Variants in RBFOX1 observed in about 807,000 individuals in gnomAD.
RBFOX1 encodes RNA binding protein fox-1 homolog 1.
Under a neutral mutation model 57.7 loss-of-function variants are expected in RBFOX1, and 8 were observed. The ratio of observed to expected loss-of-function variants is 0.14; its 90% confidence interval spans 0.08 to 0.25. The LOEUF is 0.25. Ranked by LOEUF, RBFOX1 falls within the 10% of genes least tolerant of loss-of-function variation. The pLI is 1.00. For missense variants in RBFOX1, 611 were observed against 548.5 expected (o/e 1.11, Z -1.14); for synonymous variants, 326 against 222.4 (o/e 1.47, Z -4.15).
intron 3 of RBFOX1, among the ~76,000 whole-genome samples, chr16:6,872,599 C>G (rs2061131393): frequency 6.6e-6 from 1 of 152,104 alleles, no homozygotes; most frequent in African/African-American, 2.4e-5. Flanking sequence ...CAACAAAACA[C>G]CCAATTAATG....
intron 3 of RBFOX1, among the ~76,000 whole-genome samples, chr16:6,796,109 C>T (rs1028519242): frequency 6.6e-6 from 1 of 150,386 alleles, no homozygotes; most frequent in African/African-American, 2.5e-5. Context: ...GCTGGGGAGG[C>T]CTCACAGTCA....
Position 6,235,387 on chromosome 16 carries a change from T to A in RBFOX1, c.-126-81608T>A, listed in dbSNP as rs114385093. 1.7e-3 allele frequency among the ~76,000 whole-genome samples: 254 copies of A among 152,270 alleles called. 1 individual carries two copies. Among genetic ancestry groups the A allele is most frequent in the African/African-American group, 4.7e-3 (196 of 41,568 alleles). On this transcript the variant is annotated intron_variant, in intron 1 of 15. Coordinates refer to ENST00000550418, the MANE Select transcript of RBFOX1 (RefSeq NM_018723.4). Reference sequence around the variant, plus strand: ...CACCAGCCCCAGCTGTCTGTCTGTCTGTGTGCCATGCCGCATATCTACCCA... The same window carrying A: ...CACCAGCCCCAGCTGTCTGTCTGTCAGTGTGCCATGCCGCATATCTACCCA...
intron 4 of RBFOX1, among the ~76,000 whole-genome samples, chr16:7,409,633 A>G (rs990456221): frequency 2.0e-5 from 3 of 152,368 alleles, no homozygotes; most frequent in South Asian, 4.1e-4. Context: ...AAGGAGCCAC[A>G]TACCATCAGA....
intron 11 of RBFOX1, among the ~76,000 whole-genome samples, chr16:7,649,078 T>C (rs2064374909): frequency 6.6e-6 from 1 of 151,914 alleles, no homozygotes; most frequent in East Asian, 1.9e-4. Context: ...TCGGGGCCAG[T>C]CCACAGTGCA....
chr16:6,321,180 T>A (rs1229213630), intron 2 of RBFOX1, among the ~76,000 whole-genome samples: 1 of 152,242 alleles, frequency 6.6e-6, no homozygotes, highest in Non-Finnish European at 1.5e-5. Flanking sequence ...ATACATATAC[T>A]GTATAGTAAT....
Position 5,704,454 on chromosome 16 carries a change from G to T in RBFOX1, c.318+105493G>T, listed in dbSNP as rs71390678. 1.5e-3 allele frequency among the ~76,000 whole-genome samples: 221 copies of T among 152,242 alleles called. 1 individual carries two copies. Among genetic ancestry groups the T allele is most frequent in the Non-Finnish European group, 2.9e-4 (20 of 68,026 alleles). ...TATTAGAATGTGCACAGCTCTGTTG[G>T]CTTTTTGTCCTTTGAGCAGTGCTGG... On this transcript the variant is annotated intron_variant, in intron 3 of 19. Coordinates refer to the RBFOX1 transcript ENST00000641259.
intron 3 of RBFOX1, among the ~76,000 whole-genome samples, chr16:7,001,078 C>G (rs1596536955): frequency 6.6e-6 from 1 of 152,120 alleles, no homozygotes; most frequent in Non-Finnish European, 1.5e-5. Context: ...TTTGCTTACC[C>G]CAAGGTAGAG....
At chr16:6,034,983 T>G (rs1236839165) in intron 1 of RBFOX1, among the ~76,000 whole-genome samples, 3 of 81,350 alleles carry the variant, frequency 3.7e-5, no homozygotes, top group African/African-American at 1.1e-4. Flanking sequence ...TACTATTGAG[T>G]TACAATGAGT....
chr16:5,528,490 A>T (rs535431146), intron 2 of RBFOX1, among the ~76,000 whole-genome samples: 1 of 150,982 alleles, frequency 6.6e-6, no homozygotes, highest in Non-Finnish European at 1.5e-5. Flanking sequence ...TAAAGCGACA[A>T]TGGCATTATA....
intron 4 of RBFOX1, among the ~76,000 whole-genome samples, chr16:7,502,565 G>T (rs2071318557): frequency 6.6e-6 from 1 of 152,136 alleles, no homozygotes; most frequent in Non-Finnish European, 1.5e-5. Context: ...TCATGGTAGT[G>T]AGGCATAAAC....
chr16:6,488,413 C>T (rs552936162), intron 2 of RBFOX1, among the ~76,000 whole-genome samples: 3 of 152,218 alleles, frequency 2.0e-5, no homozygotes, highest in East Asian at 1.9e-4. Context: ...AATACAATGC[C>T]GATTTCTTCC....
intron 6 of RBFOX1, among the ~76,000 whole-genome samples, chr16:7,583,202 T>A (rs748028338): frequency 1.1e-4 from 17 of 151,504 alleles, no homozygotes; most frequent in Non-Finnish European, 2.1e-4. Context: ...GCAAGATATA[T>A]GGCTACAGTA....
At chr16:6,658,139 A>G (rs371526006) in intron 3 of RBFOX1, among the ~76,000 whole-genome samples, 40 of 152,106 alleles carry the variant, frequency 2.6e-4, no homozygotes, top group African/African-American at 6.3e-4. Flanking sequence ...CTTCCTTTCA[A>G]TGGGGCCGAT....
At chr16:5,896,150 C>G (rs1290168403) in intron 4 of RBFOX1, among the ~76,000 whole-genome samples, 2 of 152,062 alleles carry the variant, frequency 1.3e-5, no homozygotes, top group African/African-American at 4.8e-5. Flanking sequence ...CTGGATGGAT[C>G]CCAGGAAAGG....
intron 5 of RBFOX1, among the ~76,000 whole-genome samples, chr16:7,533,867 T>C (rs1007533730): frequency 7.9e-5 from 12 of 152,314 alleles, no homozygotes; most frequent in African/African-American, 2.9e-4. Context: ...TCAGTTGTTA[T>C]TATTAATAGA....
At chr16:5,519,916 C>G (rs74004366) in intron 2 of RBFOX1, among the ~76,000 whole-genome samples, 4,124 of 152,242 alleles carry the variant, frequency 0.027, 202 homozygotes, top group African/African-American at 0.093. Context: ...AAGCCATTTA[C>G]TGTGATGAAT....
chr16:7,616,400 T>C (rs7198928), intron 10 of RBFOX1, among the ~76,000 whole-genome samples: 68,145 of 151,796 alleles, frequency 0.45, 16,912 homozygotes, highest in African/African-American at 0.67. Context: ...TTTTTGTTAG[T>C]GGTTACTCAC....
At chr16:6,570,043 A>G (rs17140620) in intron 2 of RBFOX1, among the ~76,000 whole-genome samples, 5,205 of 152,286 alleles carry the variant, frequency 0.034, 299 homozygotes, top group African/African-American at 0.12. Flanking sequence ...CAGTATTGAT[A>G]GCATTTTGTT....
chr16:6,647,954 G>T (rs1356349594), intron 2 of RBFOX1, among the ~76,000 whole-genome samples: 2 of 152,102 alleles, frequency 1.3e-5, no homozygotes, highest in Non-Finnish European at 2.9e-5. Context: ...TGATTCTCGT[G>T]CGTCAGCCTC....
Sources: allele counts gnomAD v4.1 joint callset (sites outside exome capture counted in the v4.1 genomes callset), GRCh38; gene constraint gnomAD v4.1.1; transcripts MANE v1.5; gene names NCBI Gene and HGNC (gene_info 2026-07-23, HGNC 2026-07-21).